SLC9A7: variants seen among roughly 807,000 people sequenced by gnomAD.
SLC9A7 encodes the protein solute carrier family 9 member A7, also known as sodium/hydrogen exchanger 7.
In SLC9A7, 19 loss-of-function variants were observed where a neutral mutation model predicts 52.6. The ratio of observed to expected loss-of-function variants is 0.36; its 90% CI spans 0.25 to 0.53. SLC9A7 has a LOEUF of 0.53. SLC9A7 is among the 20% of genes least tolerant of loss of function. The pLI is 0.91. For synonymous variants in SLC9A7, 226 were observed against 252.1 expected (o/e 0.90, Z 0.98); for missense variants, 455 against 597.9 (o/e 0.76, Z 2.49).
At chrX:46,678,936 A>G (rs780790174) in intron 3 of SLC9A7, among the ~76,000 whole-genome samples, 2 of 111,186 alleles carry the variant, frequency 1.8e-5, no homozygotes, top group African/African-American at 6.5e-5. Flanking sequence ...TCAAATGTGT[A>G]GATTTGCATA....
At chrX:46,641,714 C>T (rs1297950245) in intron 12 of SLC9A7, among the ~76,000 whole-genome samples, 7 of 111,493 alleles carry the variant, frequency 6.3e-5, no homozygotes, top group Non-Finnish European at 1.3e-4. Context: ...TTTTATAACT[C>T]TTCTTACAGG....
intron 10 of SLC9A7, among the ~76,000 whole-genome samples, chrX:46,650,723 C>G (rs746252502): frequency 1.1e-3 from 122 of 111,862 alleles, no homozygotes; most frequent in African/African-American, 3.8e-3. Context: ...AAAAATAACA[C>G]TGGAGACTGA....
chrX:46,656,180 A>G (rs1385182203), intron 7 of SLC9A7, among the ~76,000 whole-genome samples: 1 of 112,003 alleles, frequency 8.9e-6, no homozygotes, highest in Non-Finnish European at 1.9e-5. Flanking sequence ...TAGAAGGAAA[A>G]CTAACAAACA....
intron 1 of SLC9A7, among the ~76,000 whole-genome samples, chrX:46,697,024 T>C (rs1477977502): frequency 1.8e-5 from 2 of 111,749 alleles, no homozygotes; most frequent in East Asian, 2.8e-4. Flanking sequence ...ACTTCTTCAG[T>C]AACCTCCTAA....
intron 4 of SLC9A7, 27 bp downstream of exon 4, chrX:46,672,524 T>C (rs1944041014): frequency 8.9e-7 from 1 of 1,129,615 alleles, no homozygotes; most frequent in Non-Finnish European, 1.2e-6. Context: ...GTGTGTTAAT[T>C]TGGTTATATG....
At position 46,607,103 on chromosome X, in the gene SLC9A7, G is replaced by C. The variant is rs1265822855; in HGVS notation, c.2030C>G (p.Ser677Ter). Residue 677 changes from serine to a stop codon, truncating the protein, a stop_gained, in exon 17 of 17, where the codon TCA becomes TGA. Coordinates refer to ENST00000616978, the MANE Select transcript of SLC9A7 (RefSeq NM_001257291.2). LOFTEE classifies it high-confidence loss of function. ...GDSTVTANGS[S>*]SSHTASTSLE... Reference sequence around the variant, plus strand: ...ACTCGTGGAGGCGGTGTGCGAACTTGAGGAGCCATTTGCAGTCACTGTGCT... The same window carrying C: ...ACTCGTGGAGGCGGTGTGCGAACTTCAGGAGCCATTTGCAGTCACTGTGCT... 2 of 1,209,613 alleles carry C rather than the reference G, an allele frequency of 1.7e-6. No homozygotes were observed. The highest frequency in any genetic ancestry group is 3.5e-5 in the African/African-American group (2 of 57,058).
chrX:46,755,979 C>T (rs935584837), intron 1 of SLC9A7, among the ~76,000 whole-genome samples: 10 of 109,194 alleles, frequency 9.2e-5, no homozygotes, highest in East Asian at 5.6e-4. Flanking sequence ...AGATATTTTA[C>T]GACTATACCA....
intron 1 of SLC9A7, among the ~76,000 whole-genome samples, chrX:46,710,795 C>T (rs1162437623): frequency 8.9e-6 from 1 of 111,911 alleles, no homozygotes; most frequent in Non-Finnish European, 1.9e-5. Context: ...TATTTATGAG[C>T]ATACCATAAC....
At chrX:46,631,832 C>T (rs1485974848) in intron 13 of SLC9A7, among the ~76,000 whole-genome samples, 183 bp from the exon 14 acceptor site, 1 of 111,891 alleles carries the variant, frequency 8.9e-6, no homozygotes, top group Admixed American at 9.5e-5. Flanking sequence ...CATACCACTT[C>T]AGATCCCAGA....
intron 16 of SLC9A7, among the ~76,000 whole-genome samples, chrX:46,611,457 T>C (rs896883370): frequency 8.9e-5 from 10 of 112,411 alleles, no homozygotes; most frequent in Non-Finnish European, 1.9e-4. Context: ...CATTTTTATA[T>C]GGGGAGGAGC....
intron 11 of SLC9A7, among the ~76,000 whole-genome samples, chrX:46,645,706 G>A (rs1943481049): frequency 9.6e-6 from 1 of 103,663 alleles, no homozygotes; most frequent in South Asian, 4.3e-4. Flanking sequence ...AATGAGTACT[G>A]GGCCCATGTG....
At position 46,606,715 on chromosome X, in the gene SLC9A7, C is replaced by T. The variant is rs937076417; in HGVS notation, c.*237G>A. 1.1e-5 allele frequency: 12 copies of T among 1,064,037 alleles called. No homozygotes were observed. The East Asian group carries it at 2.8e-4, about 25-fold the overall frequency. 87.7% of individuals were successfully genotyped at this position (1,064,037 alleles called of 1,213,427 possible). A position where few individuals can be genotyped will look rare whatever the true frequency, so the allele number is the denominator to read the frequency against. Reference sequence around the variant, plus strand: ...TTTTGTTTGTTTAACTCTGAAACAGCGCACTACTATGTGAAAAAAGTGGGA... The same window carrying T: ...TTTTGTTTGTTTAACTCTGAAACAGTGCACTACTATGTGAAAAAAGTGGGA... On this transcript the variant is annotated 3_prime_UTR_variant, in exon 17 of 17. Coordinates refer to ENST00000616978, the MANE Select transcript of SLC9A7 (RefSeq NM_001257291.2).
intron 4 of SLC9A7, among the ~76,000 whole-genome samples, chrX:46,670,066 T>C: frequency 8.9e-6 from 1 of 111,829 alleles, no homozygotes; most frequent in Admixed American, 9.5e-5. Context: ...GGCATAATGT[T>C]TTTGTAGCAA....
Position 46,672,684 on chromosome X carries a change from C to T in SLC9A7, c.604-57G>A. The T allele has an allele frequency of 3.5e-6, 3 of 868,997 alleles. No individual in the cohort carries two copies. In the South Asian group the frequency reaches 6.6e-5, roughly 19 times the overall value. 71.6% of individuals were successfully genotyped at this position (868,997 alleles called of 1,213,427 possible). On this transcript the variant is annotated intron_variant, in intron 3 of 16. Transcript: ENST00000616978. Reference sequence around the variant, plus strand: ...TCACATTGTGATTTTCAACAATGAGCTTAAGAAACACATTAAAAGTCTCTA... The same window carrying T: ...TCACATTGTGATTTTCAACAATGAGTTTAAGAAACACATTAAAAGTCTCTA...
Position 46,651,327 on chromosome X carries a change from G to A in SLC9A7, c.1225C>T (p.Arg409Ter). 2 of 1,208,413 alleles carry A rather than the reference G, an allele frequency of 1.7e-6. No individual in the cohort carries two copies. The highest frequency in any genetic ancestry group is 2.2e-6 in the Non-Finnish European group (2 of 893,550). ...YNNLSVESRS[R>*]TKQLFEVLHF... is the part of the protein sequence containing the mutation. ...AGCCTCTCTCTCACCTGCTTGGTTC[G>A]ACTTCTTGATTCCACCGACAGATTG... Residue 409 changes from arginine to a stop codon, truncating the protein, a stop_gained, in exon 9 of 17, where the codon CGA becomes TGA. Coordinates refer to ENST00000616978, the MANE Select transcript of SLC9A7 (RefSeq NM_001257291.2). LOFTEE classifies it high-confidence loss of function.
chrX:46,675,055 G>C lies in SLC9A7; in HGVS notation c.604-2428C>G, dbSNP rs77943010. Among the ~76,000 whole-genome samples, 9 of 99,523 alleles carry C rather than the reference G, an allele frequency of 9.0e-5. No individual in the cohort carries two copies. The East Asian group carries it at 2.2e-3, about 25-fold the overall frequency. The allele number at this position is 99,523 out of a possible 115,157, so 86.4% of individuals were successfully genotyped here. A position where few individuals can be genotyped will look rare whatever the true frequency, so the allele number is the denominator to read the frequency against. On this transcript the variant is annotated intron_variant, in intron 3 of 16. Coordinates refer to ENST00000616978, the MANE Select transcript of SLC9A7 (RefSeq NM_001257291.2). ...GGAGAGAGAGAGAGAAAGAGAGAGA[G>C]AGTGAATGTGTGTGTGTGTGTGTGT...
intron 1 of SLC9A7, among the ~76,000 whole-genome samples, chrX:46,721,955 T>A (rs773303520): frequency 5.3e-5 from 6 of 112,527 alleles, no homozygotes; most frequent in African/African-American, 1.9e-4. Context: ...CTTCATGGTA[T>A]GAACTATTAA....
At chrX:46,697,323 C>CA (rs1207742639) in intron 1 of SLC9A7, among the ~76,000 whole-genome samples, 11 of 111,810 alleles carry the variant, frequency 9.8e-5, no homozygotes, top group Admixed American at 9.5e-5. Flanking sequence ...GTTCTCACCA[C>CA]AAACAAGTGA....
chrX:46,754,457 TA>T (rs1922486099), intron 1 of SLC9A7, among the ~76,000 whole-genome samples: 1 of 111,757 alleles, frequency 8.9e-6, no homozygotes, highest in Non-Finnish European at 1.9e-5. Context: ...GAGGGGCTCT[TA>T]AAAGGGGGGA....
Sources: gnomAD v4.1 joint callset for allele counts (sites outside exome capture counted in the v4.1 genomes callset) on GRCh38, gnomAD v4.1.1 for gene constraint, MANE v1.5 for transcripts, NCBI Gene and HGNC (gene_info 2026-07-23, HGNC 2026-07-21) for gene names.